DCTN2: variants seen among roughly 807,000 people sequenced by gnomAD.
The protein encoded by DCTN2 is 50 kDa dynein-associated polypeptide.
A neutral mutation model predicts 55.4 loss-of-function variants in DCTN2; 18 were observed. The ratio of observed to expected loss-of-function variants is 0.32; its 90% CI spans 0.22 to 0.48. The LOEUF (loss-of-function observed/expected upper bound fraction) is 0.48, where lower values mean the gene tolerates loss of function less well. DCTN2 is among the 20% of genes least tolerant of loss of function. The pLI is 0.99. For synonymous variants in DCTN2, 168 were observed against 185.2 expected (o/e 0.91, Z 0.76); for missense variants, 390 against 491.0 (o/e 0.79, Z 1.94).
chr12:57,535,280 C>T (rs1409254109), intron 4 of DCTN2, 126 bp from the exon 5 acceptor site: 5 of 981,834 alleles, frequency 5.1e-6, no homozygotes, highest in Non-Finnish European at 7.6e-6. Context: ...CACCCTAGTA[C>T]CAAAGAACTG....
At chr12:57,537,298 C>A (rs1302071648) in intron 2 of DCTN2, among the ~76,000 whole-genome samples, 2 of 146,886 alleles carry the variant, frequency 1.4e-5, no homozygotes, top group African/African-American at 5.1e-5. Context: ...CATGCCACTG[C>A]ACTCCAGCCT....
intron 2 of DCTN2, chr12:57,538,677 G>T: frequency 1.6e-6 from 1 of 620,742 alleles, no homozygotes; most frequent in Non-Finnish European, 2.9e-6. Flanking sequence ...GCACCACAGG[G>T]CCCCAGGGGA....
intron 2 of DCTN2, chr12:57,543,993 C>A: frequency 2.3e-6 from 1 of 443,426 alleles, no homozygotes; most frequent in South Asian, 1.6e-5. Context: ...AGAGATATCC[C>A]AGTATCTTCA....
chr12:57,535,592 G>T (rs768474453), intron 3 of DCTN2, 47 bp from the exon 4 acceptor site: 4 of 1,605,188 alleles, frequency 2.5e-6, no homozygotes, highest in Non-Finnish European at 3.4e-6. Context: ...TAGGCCCAAG[G>T]CAGTCATGGT....
intron 2 of DCTN2, among the ~76,000 whole-genome samples, chr12:57,542,598 A>G (rs2140136134): frequency 6.6e-6 from 1 of 152,222 alleles, no homozygotes; most frequent in South Asian, 2.1e-4. Flanking sequence ...TGGATGGATC[A>G]CTTGAGGCCA....
chr12:57,544,886 A>G (rs1043604810), intron 2 of DCTN2, among the ~76,000 whole-genome samples: 25 of 152,120 alleles, frequency 1.6e-4, no homozygotes, highest in African/African-American at 6.0e-4. Context: ...ATTATCTCCA[A>G]GATACTCAAG....
chr12:57,532,586 C>G lies in DCTN2; in HGVS notation c.910G>C (p.Asp304His). 1 of 1,613,972 alleles carries G rather than the reference C, an allele frequency of 6.2e-7. No individual in the cohort carries two copies. Among genetic ancestry groups the G allele is most frequent in the Non-Finnish European group, 8.5e-7 (1 of 1,179,896 alleles). ...AKHKASVEDA[D>H]TQSKVHQLYE... Reference sequence around the variant, plus strand: ...GTCTTCCTGACCTTGCTTTGTGTATCTGCATCTTCTACAGAGGCTTTATGC... The same window carrying G: ...GTCTTCCTGACCTTGCTTTGTGTATGTGCATCTTCTACAGAGGCTTTATGC... The change falls in exon 11 of 14, where the codon GAT (aspartate) becomes CAT (histidine). Residue 304 changes from aspartate to histidine, a missense_variant. Physicochemically the swap from Asp to His is moderately conservative, Grantham distance 81. Around this residue, in one of 2 missense-constraint regions of DCTN2, gnomAD observed 273 missense variants for 303.2 expected, o/e 0.90. Coordinates refer to ENST00000548249, the MANE Select transcript of DCTN2 (RefSeq NM_001261413.2).
At chr12:57,534,483 T>C in intron 5 of DCTN2, 31 bp from the exon 6 acceptor site, 1 of 1,559,822 alleles carries the variant, frequency 6.4e-7, no homozygotes, top group South Asian at 1.2e-5. Flanking sequence ...AATCGGGGGA[T>C]GGCAAGAATG....
rs1880044133 is a variant in DCTN2 at position 57,534,414 on chromosome 12, G to C, written c.402C>G (p.Thr134=). The change falls in exon 6 of 14, where the codon ACC becomes ACG. Residue 134 remains threonine (T), a synonymous_variant. Coordinates refer to ENST00000548249, the MANE Select transcript of DCTN2 (RefSeq NM_001261413.2). ...VKESATEEKL[T]PVLLAKQLAA... The stretch of plus-strand genomic sequence containing the variant: ...CCAGCTGTTTAGCCAGCAACACAGG[G>C]GTCAGCTTCTCCTCTGTGGCTGACT... 16 of 1,611,090 alleles carry C rather than the reference G, an allele frequency of 9.9e-6. No individual in the cohort carries two copies. The highest frequency in any genetic ancestry group is 1.2e-5 in the Non-Finnish European group (14 of 1,178,246).
chr12:57,544,246 G>A, intron 2 of DCTN2: 1 of 369,462 alleles, frequency 2.7e-6, no homozygotes, highest in South Asian at 2.0e-5. Context: ...ATCTGCATAT[G>A]TTCCCATCTT....
intron 2 of DCTN2, 96 bp from the exon 3 acceptor site, chr12:57,535,941 C>A: frequency 1.1e-6 from 1 of 949,068 alleles, no homozygotes; most frequent in Non-Finnish European, 1.6e-6. Flanking sequence ...GTGACTGGGC[C>A]CTACTTGTCC....
intron 4 of DCTN2, 99 bp from the exon 5 acceptor site, chr12:57,535,253 C>T: frequency 2.8e-6 from 3 of 1,076,794 alleles, no homozygotes; most frequent in East Asian, 2.5e-5. Context: ...GTATCATATC[C>T]AATTGAGAAT....
rs1565673879 is a variant in DCTN2 at position 57,530,211 on chromosome 12, C to G, written c.*478G>C. The G allele has an allele frequency of 6.5e-6, 1 of 152,972 alleles. No individual in the cohort carries two copies. Among genetic ancestry groups the G allele is most frequent in the South Asian group, 2.1e-4 (1 of 4,838 alleles). 9.5% of individuals were successfully genotyped at this position (152,972 alleles called of 1,614,324 possible). A position where few individuals can be genotyped will look rare whatever the true frequency, so the allele number is the denominator to read the frequency against. On this transcript the variant is annotated 3_prime_UTR_variant, in exon 14 of 14. Transcript: ENST00000548249. Reference sequence around the variant, plus strand: ...GTAAGAACAGGTTACAATTTAAATCCATCTCTTGTAGTATAGAGTGGCTTA... The same window carrying G: ...GTAAGAACAGGTTACAATTTAAATCGATCTCTTGTAGTATAGAGTGGCTTA...
chr12:57,540,124 C>T (rs559876870), intron 2 of DCTN2: 1 of 985,260 alleles, frequency 1.0e-6, no homozygotes, highest in Non-Finnish European at 1.2e-6. Flanking sequence ...GCTGGGATGT[C>T]TCTGCATAGA....
At chr12:57,545,945 G>A (rs974799356) in intron 2 of DCTN2, 83 bp downstream of exon 2, 2 of 1,449,720 alleles carry the variant, frequency 1.4e-6, no homozygotes, top group South Asian at 2.3e-5. Context: ...GCTTATTGCT[G>A]TAGCTCCCCC....
At chr12:57,539,463 T>C (rs1880516922) in intron 2 of DCTN2, among the ~76,000 whole-genome samples, 1 of 152,134 alleles carries the variant, frequency 6.6e-6, no homozygotes, top group Non-Finnish European at 1.5e-5. Flanking sequence ...GGTGAGAGTA[T>C]TTCCAAGAGG....
At position 57,535,162 on chromosome 12, in the gene DCTN2, G is replaced by A; in HGVS notation, c.265-8C>T. 6.2e-7 allele frequency: 1 copy of A among 1,608,780 alleles called. No individual in the cohort carries two copies. The highest frequency in any genetic ancestry group is 8.5e-7 in the Non-Finnish European group (1 of 1,175,732). On this transcript the variant is annotated splice_polypyrimidine_tract_variant and splice_region_variant and intron_variant, in intron 4 of 13. Transcript: ENST00000548249. ...TCCCAGACCCTCTCCAAGCTAGAGA[G>A]CAGGCACAGAGGGTAATGTTATATG...
rs377537975 is a variant in DCTN2, at chr12:57,533,221, A to G, written c.735+17T>C. 39 of 1,612,910 alleles carry G rather than the reference A, an allele frequency of 2.4e-5. No homozygotes were observed. The African/African-American group carries it at 4.5e-4, about 19-fold the overall frequency. ...GCAGGATCTAAGGCTCAGATTATGT[A>G]CAGGAGAACACCTGACCTGAGCATC... On this transcript the variant is annotated intron_variant, in intron 8 of 13. Coordinates refer to ENST00000548249, the MANE Select transcript of DCTN2 (RefSeq NM_001261413.2).
Position 57,534,343 on chromosome 12 carries a change from A to C in DCTN2, c.473T>G (p.Leu158Arg). The C allele has an allele frequency of 6.2e-7, 1 of 1,612,406 alleles. No homozygotes were observed. The highest frequency in any genetic ancestry group is 8.5e-7 in the Non-Finnish European group (1 of 1,178,824). ...AAGGTTGATTGCAGCATCTGGTCCC[A>C]GCAGCTTCTCCAGGTGGGAAGCAAC... ...QLVASHLEKL[L>R]GPDAAINLTD... is the part of the protein sequence containing the mutation. Residue 158 changes from leucine (L) to arginine (R), a missense_variant, in exon 6 of 14, where the codon CTG becomes CGG. By Grantham distance (102) the Leu-to-Arg change is moderately radical. Coordinates refer to ENST00000548249, the MANE Select transcript of DCTN2 (RefSeq NM_001261413.2).
Sources: gnomAD v4.1 joint callset for allele counts (sites outside exome capture counted in the v4.1 genomes callset) on GRCh38, gnomAD v4.1.1 for gene constraint, gnomAD v4.1.1 regional missense constraint, MANE v1.5 for transcripts, NCBI Gene and HGNC (gene_info 2026-07-23, HGNC 2026-07-21) for gene names.